PRKN: variants seen among roughly 807,000 people sequenced by gnomAD.
PRKN encodes the protein E3 ubiquitin-protein ligase parkin.
A neutral mutation model predicts 59.5 loss-of-function variants in PRKN; 56 were observed. That is an observed-to-expected ratio of 0.94 (90% CI 0.76 to 1.18). The LOEUF (loss-of-function observed/expected upper bound fraction) is 1.18. Among genes scored for constraint, PRKN ranks in the 50% most tolerant of loss-of-function variants. PRKN has a pLI of 0.00. For synonymous variants in PRKN, 250 were observed against 222.1 expected, an observed-to-expected ratio of 1.13 and a Z score of -1.12; for missense variants, 657 against 596.4, an observed-to-expected ratio of 1.10 and a Z score of -1.06.
intron 10 of PRKN, among the ~76,000 whole-genome samples, chr6:161,368,303 A>G (rs2114885482): frequency 6.9e-6 from 1 of 145,472 alleles, no homozygotes; most frequent in Admixed American, 6.9e-5. Context: ...ATATTTATAT[A>G]TATTTGTATA....
At chr6:162,709,128 A>G (rs1778436889) in intron 1 of PRKN, among the ~76,000 whole-genome samples, 1 of 150,988 alleles carries the variant, frequency 6.6e-6, no homozygotes, top group East Asian at 2.0e-4. Context: ...TTACAGCAAA[A>G]TAAACTCAGG....
chr6:162,315,469 T>A (rs2128119557), intron 2 of PRKN, among the ~76,000 whole-genome samples: 1 of 152,230 alleles, frequency 6.6e-6, no homozygotes, highest in African/African-American at 2.4e-5. Flanking sequence ...GGTAGGCAAC[T>A]TAGGATACAA....
intron 4 of PRKN, among the ~76,000 whole-genome samples, chr6:162,197,056 A>C (rs1257378368): frequency 6.6e-6 from 1 of 152,140 alleles, no homozygotes; most frequent in Non-Finnish European, 1.5e-5. Flanking sequence ...GTTCACATAA[A>C]CCACATGCTG....
At chr6:161,792,160 C>G (rs1790665087) in intron 6 of PRKN, among the ~76,000 whole-genome samples, 1 of 152,196 alleles carries the variant, frequency 6.6e-6, no homozygotes, top group South Asian at 2.1e-4. Flanking sequence ...AAGAACTATC[C>G]AGCTAACTTG....
intron 9 of PRKN, among the ~76,000 whole-genome samples, chr6:161,500,193 G>A (rs1350174790): frequency 6.6e-6 from 1 of 152,140 alleles, no homozygotes; most frequent in East Asian, 1.9e-4. Context: ...GCAAAATTGA[G>A]CAGAGTACAG....
chr6:162,427,840 G>A (rs975031984), intron 2 of PRKN, among the ~76,000 whole-genome samples: 15 of 151,832 alleles, frequency 9.9e-5, no homozygotes, highest in African/African-American at 3.6e-4. Flanking sequence ...AGTTGAGACG[G>A]GGTAATAAAT....
chr6:162,339,526 C>T (rs1784060431), intron 2 of PRKN, among the ~76,000 whole-genome samples: 2 of 143,638 alleles, frequency 1.4e-5, no homozygotes, highest in African/African-American at 2.5e-5. Context: ...GGGGGGTCAG[C>T]CCCCCGCCCG....
intron 5 of PRKN, among the ~76,000 whole-genome samples, chr6:162,001,202 T>C (rs1320599667): frequency 1.3e-5 from 2 of 152,066 alleles, no homozygotes; most frequent in African/African-American, 2.4e-5. Context: ...GACTTTTTAT[T>C]GTGATTGCAT....
chr6:162,264,958 T>A (rs762546302), intron 2 of PRKN, among the ~76,000 whole-genome samples: 1 of 152,132 alleles, frequency 6.6e-6, no homozygotes, highest in East Asian at 1.9e-4. Context: ...TACATCTCAA[T>A]AGTCACCTCC....
intron 9 of PRKN, among the ~76,000 whole-genome samples, chr6:161,482,862 T>C (rs2115246813): frequency 6.6e-6 from 1 of 152,358 alleles, no homozygotes; most frequent in Middle Eastern, 3.4e-3. Flanking sequence ...CATCTTATAA[T>C]AGACTTACAA....
At chr6:161,902,477 A>G (rs1777953809) in intron 6 of PRKN, among the ~76,000 whole-genome samples, 1 of 151,600 alleles carries the variant, frequency 6.6e-6, no homozygotes, top group Non-Finnish European at 1.5e-5. Flanking sequence ...TTAGGCAGAG[A>G]GTGGTTTAGA....
chr6:162,024,827 G>C (rs1053179740), intron 5 of PRKN, among the ~76,000 whole-genome samples: 1 of 152,082 alleles, frequency 6.6e-6, no homozygotes, highest in Non-Finnish European at 1.5e-5. Flanking sequence ...CAAAGAGAAA[G>C]CAGTCTTATA....
intron 7 of PRKN, among the ~76,000 whole-genome samples, chr6:161,739,002 G>T (rs977014448): frequency 2.6e-5 from 4 of 152,174 alleles, no homozygotes; most frequent in Non-Finnish European, 5.9e-5. Flanking sequence ...ACTGGTCAAA[G>T]CCCCTACTGG....
rs536532310 is a variant in PRKN at position 161,487,209 on chromosome 6, C to A, written c.1083+61645G>T. 4.6e-5 allele frequency among the ~76,000 whole-genome samples: 7 copies of A among 152,310 alleles called. No individual in the cohort carries two copies. The highest frequency in any genetic ancestry group is 1.7e-4 in the African/African-American group (7 of 41,576). On this transcript the variant is annotated intron_variant, in intron 9 of 11. Transcript: ENST00000366898. This position sits in a 1 kb window ranked among gnomAD's most constrained non-coding sequence, Gnocchi z 5.3. ...AAAGCAATTCTGAGTGAAGTCCTAT[C>A]CCTCAACCCTTTTTACAGGAGAAGA... is the stretch of plus-strand genomic sequence containing the variant.
chr6:162,415,963 G>A (rs1460575713), intron 2 of PRKN, among the ~76,000 whole-genome samples: 1 of 152,092 alleles, frequency 6.6e-6, no homozygotes, highest in African/African-American at 2.4e-5. Flanking sequence ...ACTGCAAAAC[G>A]CTGAATTCTG....
At chr6:161,726,642 T>A (rs1346645373) in intron 7 of PRKN, among the ~76,000 whole-genome samples, 1 of 152,072 alleles carries the variant, frequency 6.6e-6, no homozygotes, top group Non-Finnish European at 1.5e-5. Context: ...TAAGTGACAT[T>A]TACAAAATGA....
chr6:161,653,148 G>A (rs1784210387), intron 7 of PRKN, among the ~76,000 whole-genome samples: 1 of 152,086 alleles, frequency 6.6e-6, no homozygotes, highest in South Asian at 2.1e-4. Context: ...TGGATCACAA[G>A]GTCAAAGATC....
chr6:161,885,521 C>T (rs1243376315), intron 6 of PRKN, among the ~76,000 whole-genome samples: 1 of 151,884 alleles, frequency 6.6e-6, no homozygotes, highest in East Asian at 1.9e-4. Context: ...AAAAATTAGC[C>T]AGGCGTGGTG....
intron 1 of PRKN, among the ~76,000 whole-genome samples, chr6:162,576,874 A>C (rs2128210206): frequency 6.6e-6 from 1 of 151,600 alleles, no homozygotes; most frequent in Non-Finnish European, 1.5e-5. Context: ...ACGAATTGAG[A>C]GCGAGGATTT....
Sources: gnomAD v4.1 joint callset for allele counts (sites outside exome capture counted in the v4.1 genomes callset) on GRCh38, gnomAD v4.1.1 for gene constraint, Gnocchi (gnomAD v3.1) non-coding constraint, MANE v1.5 for transcripts, NCBI Gene and HGNC (gene_info 2026-07-23, HGNC 2026-07-21) for gene names.